The following CCDC9 variants were observed in gnomAD, a reference collection of about 807,000 sequenced individuals.
CCDC9 encodes the protein coiled-coil domain-containing protein 9.
A neutral mutation model predicts 65.6 loss-of-function variants in CCDC9; 52 were observed. The observed-to-expected ratio is 0.79, with a 90% CI of 0.63 to 1.00. The LOEUF (loss-of-function observed/expected upper bound fraction) is 1.00, where lower values mean the gene tolerates loss of function less well. Among genes scored for constraint, CCDC9 ranks in the 50% least tolerant of loss-of-function variants. The pLI is 0.00. For missense variants in CCDC9, 834 were observed against 757.2 expected, an observed-to-expected ratio of 1.10 and a Z score of -1.19; for synonymous variants, 332 against 280.3, an observed-to-expected ratio of 1.18 and a Z score of -1.84.
intron 1 of CCDC9, chr19:47,258,118 A>T: frequency 1.9e-6 from 1 of 533,934 alleles, no homozygotes; most frequent in Non-Finnish European, 3.4e-6. Flanking sequence ...TTACATGGGA[A>T]CTGGGTGAGT....
chr19:47,258,708 G>A (rs771574852), intron 3 of CCDC9, 45 bp downstream of exon 3: 6 of 1,453,240 alleles, frequency 4.1e-6, no homozygotes, highest in Non-Finnish European at 5.8e-6. Context: ...TCTCTTCCCC[G>A]CAGTGAGTTT....
chr19:47,273,952 C>G (rs926639614), downstream of CCDC9: 34 of 981,266 alleles, frequency 3.5e-5, no homozygotes, highest in Middle Eastern at 1.0e-3. Context: ...CGTCTTCCCT[C>G]CCCCCTCCCG....
intron 5 of CCDC9, among the ~76,000 whole-genome samples, chr19:47,262,978 TACTTGGGAGGCTGAGCCAGCAGGATC>T (rs984054928): frequency 4.0e-5 from 6 of 151,750 alleles, no homozygotes; most frequent in South Asian, 2.1e-4. Context: ...CCCAGCTACT[TACTTGGGAGGCTGAGCCAGCAGGATC>T]ACTTGGGAGG....
intron 5 of CCDC9, among the ~76,000 whole-genome samples, chr19:47,263,943 A>G (rs940471920): frequency 2.2e-4 from 34 of 151,452 alleles, no homozygotes; most frequent in Admixed American, 2.0e-3. Context: ...CAGTGGCACA[A>G]TCTCGGCTCA....
At chr19:47,262,413 C>T (rs528461142) in intron 5 of CCDC9, among the ~76,000 whole-genome samples, 1 of 152,070 alleles carries the variant, frequency 6.6e-6, no homozygotes, top group African/African-American at 2.4e-5. Context: ...GATGGGGTTT[C>T]GCCATGTTGG....
chr19:47,274,153 G>A (rs575207527), downstream of CCDC9, among the ~76,000 whole-genome samples: 329 of 152,314 alleles, frequency 2.2e-3, 1 homozygote, highest in Admixed American at 5.0e-3. Flanking sequence ...TGGGAGAAGG[G>A]GCGCGATTGC....
chr19:47,270,656 G>T lies in CCDC9; in HGVS notation c.1053G>T (p.Arg351=). The change falls in exon 10 of 12, where the codon CGG becomes CGT. Residue 351 remains arginine, a synonymous_variant. Coordinates refer to ENST00000221922, the MANE Select transcript of CCDC9 (RefSeq NM_015603.3). The part of the protein sequence containing the change: ...ASSRRRRKSS[R]PQAKAAPRAY... ...GCCGCAGAAGGAGAAAGAGCAGTCGGCCCCAGGCCAAGGCAGCGCCCAGGG... is the reference window on the plus strand; with the variant it reads ...GCCGCAGAAGGAGAAAGAGCAGTCGTCCCCAGGCCAAGGCAGCGCCCAGGG... 1 of 1,612,158 alleles carries T rather than the reference G, an allele frequency of 6.2e-7. No individual in the cohort carries two copies. The highest frequency in any genetic ancestry group is 8.5e-7 in the Non-Finnish European group (1 of 1,179,954).
At chr19:47,275,005 G>A, downstream of CCDC9, 1 of 1,476,794 alleles carries the variant, frequency 6.8e-7, no homozygotes. Flanking sequence ...CGCTGGCTGC[G>A]CTTGGCTCCG....
rs2059126927 is a variant in CCDC9, at chr19:47,271,925, C to A, written c.*247C>A. On this transcript the variant is annotated 3_prime_UTR_variant, in exon 12 of 12. Transcript: ENST00000221922. ...AGCCTGCCCCAGCCCTTCGAGCCCC[C>A]TCCCCAATAAAGAATTCACATCCTC... 3 of 1,301,750 alleles carry A rather than the reference C, an allele frequency of 2.3e-6. No homozygotes were observed. The highest frequency in any genetic ancestry group is 3.5e-5 in the Admixed American group (1 of 28,282). The allele number at this position is 1,301,750 out of a possible 1,614,324, so 80.6% of individuals were successfully genotyped here. A position where few individuals can be genotyped will look rare whatever the true frequency, so the allele number is the denominator to read the frequency against.
intron 5 of CCDC9, among the ~76,000 whole-genome samples, chr19:47,264,125 C>T (rs578002473): frequency 6.6e-6 from 1 of 152,248 alleles, no homozygotes; most frequent in Non-Finnish European, 1.5e-5. Context: ...AGGTGATCCA[C>T]CCACTTCGGC....
At position 47,270,420 on chromosome 19, in the gene CCDC9, C is replaced by A; in HGVS notation, c.916C>A (p.Pro306Thr). 1 of 1,614,182 alleles carries A rather than the reference C, an allele frequency of 6.2e-7. No individual in the cohort carries two copies. The highest frequency in any genetic ancestry group is 8.5e-7 in the Non-Finnish European group (1 of 1,180,016). ...TCTTTCCCCCAGGTTCAAGGATGGC[C>A]CAGTCCCTGCCCATGAACCATCCCA... ...EKTDGMFKDG[P>T]VPAHEPSHRY... The change falls in exon 9 of 12, where the codon CCA (proline) becomes ACA (threonine). Residue 306 changes from proline to threonine, a missense_variant. Pro to Thr is a conservative substitution (Grantham distance 38). Transcript: ENST00000221922.
chr19:47,271,479 C>G lies in CCDC9; in HGVS notation c.1397C>G (p.Ala466Gly). 3 of 1,613,256 alleles carry G rather than the reference C, an allele frequency of 1.9e-6. No homozygotes were observed. Among genetic ancestry groups the G allele is most frequent in the Non-Finnish European group, 2.5e-6 (3 of 1,179,806 alleles). Residue 466 changes from alanine (A) to glycine (G), a missense_variant, in exon 12 of 12, where the codon GCC becomes GGC. Transcript: ENST00000221922. The stretch of plus-strand genomic sequence containing the variant: ...ACCGGGATCCCCTGCAGTGAGCAGG[C>G]CCACGGAGTCCCCTTCAGTCCGGAG... ...APTGIPCSEQ[A>G]HGVPFSPEEP... is the part of the protein sequence containing the mutation.
downstream of CCDC9, among the ~76,000 whole-genome samples, chr19:47,274,220 G>T (rs945404869): frequency 6.6e-6 from 1 of 152,164 alleles, no homozygotes; most frequent in Non-Finnish European, 1.5e-5. Flanking sequence ...CCTGAAAGCG[G>T]GCTGAGAGTG....
rs1322410746 is a variant in CCDC9, at chr19:47,271,671, G to A, written c.1589G>A (p.Ser530Asn). ...CCGGGTGAGGCCTGGCCTTTTGAGA[G>A]TGTATGAAGCTGGCTGCCTGTGTGT... is the stretch of plus-strand genomic sequence containing the variant. ...LSPGEAWPFESV is the reference protein window; with the variant it reads ...LSPGEAWPFENV The change falls in exon 12 of 12, where the codon AGT becomes AAT. Residue 530 changes from serine to asparagine, a missense_variant. Ser to Asn is a conservative substitution (Grantham distance 46). Coordinates refer to ENST00000221922, the MANE Select transcript of CCDC9 (RefSeq NM_015603.3). The A allele has an allele frequency of 2.5e-6, 4 of 1,592,396 alleles. No individual in the cohort carries two copies. Among genetic ancestry groups the A allele is most frequent in the Middle Eastern group, 2.2e-4 (1 of 4,566 alleles).
At chr19:47,272,114 T>C (rs2059127936), downstream of CCDC9, 2 of 1,235,576 alleles carry the variant, frequency 1.6e-6, no homozygotes, top group Non-Finnish European at 2.0e-6. Context: ...GGGCCCAGCC[T>C]CCGAGGAACC....
intron 8 of CCDC9, among the ~76,000 whole-genome samples, chr19:47,268,587 T>C (rs748334868): frequency 1.3e-5 from 2 of 152,162 alleles, no homozygotes; most frequent in Non-Finnish European, 1.5e-5. Context: ...GTTTTTCTTA[T>C]GTGTCCTAAA....
At chr19:47,257,521 G>T (rs1328390492) in intron 1 of CCDC9, 1 of 152,432 alleles carries the variant, frequency 6.6e-6, no homozygotes, top group Non-Finnish European at 1.5e-5. Context: ...CGGGGACGTG[G>T]CCCTGGCATT....
rs749776392 is a variant in CCDC9, at chr19:47,268,145, C to A, written c.902+1353C>A. Among the ~76,000 whole-genome samples the A allele has an allele frequency of 3.3e-5, 5 of 152,148 alleles. No homozygotes were observed. In the East Asian group the frequency reaches 9.6e-4, roughly 29 times the overall value. On this transcript the variant is annotated intron_variant, in intron 8 of 11. Transcript: ENST00000221922. ...TACAGGTGTGAGCCACCGCGCCCGG[C>A]ACCACCACCTTCTTAACCCAGTGGC...
intron 8 of CCDC9, among the ~76,000 whole-genome samples, chr19:47,269,226 A>G (rs997316560): frequency 6.6e-6 from 1 of 152,188 alleles, no homozygotes; most frequent in Non-Finnish European, 1.5e-5. Flanking sequence ...TTTGGAACTA[A>G]GAGTGTAGTG....
Sources: allele counts gnomAD v4.1 joint callset (sites outside exome capture counted in the v4.1 genomes callset), GRCh38; gene constraint gnomAD v4.1.1; transcripts MANE v1.5; gene names NCBI Gene and HGNC (gene_info 2026-07-23, HGNC 2026-07-21).